Variants in PAK3 observed in about 807,000 individuals in gnomAD.
The protein encoded by PAK3 is serine/threonine-protein kinase PAK 3.
In PAK3, 4 loss-of-function variants were observed where a neutral mutation model predicts 41.0. The ratio of observed to expected loss-of-function variants is 0.10; its 90% CI spans 0.05 to 0.22. PAK3 has a LOEUF of 0.22. PAK3 is among the 10% of genes least tolerant of loss of function. PAK3 has a pLI of 1.00. For missense variants in PAK3, 205 were observed against 409.9 expected (o/e 0.50, Z 4.32); for synonymous variants, 146 against 139.6 (o/e 1.05, Z -0.32).
chrX:111,002,813 C>G (rs1347457523), intron 1 of PAK3, among the ~76,000 whole-genome samples: 1 of 111,007 alleles, frequency 9.0e-6, no homozygotes, highest in Non-Finnish European at 1.9e-5. Flanking sequence ...TCCAACCCCA[C>G]CCCCATTAGC....
intron 1 of PAK3, among the ~76,000 whole-genome samples, chrX:111,065,041 C>G (rs1488578780): frequency 2.7e-5 from 3 of 111,916 alleles, no homozygotes; most frequent in African/African-American, 9.7e-5. Context: ...ATTTGGATGC[C>G]TTTTATTTCT....
At chrX:111,149,389 C>G (rs935769157) in intron 7 of PAK3, among the ~76,000 whole-genome samples, 1 of 112,123 alleles carries the variant, frequency 8.9e-6, no homozygotes, top group Non-Finnish European at 1.9e-5. Flanking sequence ...CTCCACTAGG[C>G]AGTGCCCTAG....
rs1367372645 is a variant in PAK3, at chrX:111,160,775, G to A, written c.469-2140G>A. ...AATGATGGTTTCCAGCTTCATCCAC[G>A]TCCCTACAAAGGACATGAACTCATC... On this transcript the variant is annotated intron_variant, in intron 8 of 17. Transcript: ENST00000372007. 1.0e-3 allele frequency among the ~76,000 whole-genome samples: 113 copies of A among 111,248 alleles called. 2 individuals carry two copies. The highest frequency in any genetic ancestry group is 4.0e-4 in the Non-Finnish European group (21 of 53,069).
intron 15 of PAK3, 41 bp from the exon 16 acceptor site, chrX:111,196,403 A>G (rs2094613430): frequency 9.3e-7 from 1 of 1,076,144 alleles, no homozygotes; most frequent in Non-Finnish European, 1.3e-6. Flanking sequence ...GTAAAAGGAA[A>G]ATAATTTGGG....
At chrX:111,014,738 G>C (rs1272586149) in intron 1 of PAK3, among the ~76,000 whole-genome samples, 1 of 111,789 alleles carries the variant, frequency 8.9e-6, no homozygotes, top group Non-Finnish European at 1.9e-5. Context: ...CTTGGTTCCT[G>C]TCTGACTTGC....
At chrX:110,967,796 A>G (rs926986604) in intron 1 of PAK3, among the ~76,000 whole-genome samples, 3 of 111,885 alleles carry the variant, frequency 2.7e-5, no homozygotes, top group Non-Finnish European at 3.8e-5. Flanking sequence ...AGTTTTCCCA[A>G]TGGTTACATC....
At chrX:111,215,586 A>C (rs964487783) in intron 16 of PAK3, among the ~76,000 whole-genome samples, 2 of 111,997 alleles carry the variant, frequency 1.8e-5, no homozygotes, top group African/African-American at 6.5e-5. Context: ...AATTAATCGT[A>C]GTCCTGAGTT....
intron 1 of PAK3, among the ~76,000 whole-genome samples, chrX:111,027,109 T>C (rs1014279289): frequency 4.5e-5 from 5 of 111,410 alleles, no homozygotes; most frequent in African/African-American, 1.6e-4. Flanking sequence ...GCAAGCCACA[T>C]GTAGAAGAAT....
At chrX:111,195,319 C>G (rs1472735260) in intron 14 of PAK3, among the ~76,000 whole-genome samples, 1 of 111,817 alleles carries the variant, frequency 8.9e-6, no homozygotes, top group African/African-American at 3.3e-5. Context: ...CTGTGGTTTC[C>G]TTCTTCCAGC....
At chrX:111,061,602 C>T (rs1379258846) in intron 1 of PAK3, among the ~76,000 whole-genome samples, 1 of 111,739 alleles carries the variant, frequency 8.9e-6, no homozygotes, top group Non-Finnish European at 1.9e-5. Flanking sequence ...AATGAGTCTT[C>T]CATCCATAAA....
Position 111,226,019 on chromosome X carries a change from A to C in PAK3, c.*5572A>C, listed in dbSNP as rs1449941237. ...TAGAGAAACCCCATCTCTACTAAAA[A>C]TACAAAATTAGCCGGGTGTGGTGGC... On this transcript the variant is annotated 3_prime_UTR_variant, in exon 18 of 18. Coordinates refer to ENST00000372007, the MANE Select transcript of PAK3 (RefSeq NM_002578.5). 9.0e-6 allele frequency: 1 copy of C among 110,535 alleles called. No homozygotes were observed. Among genetic ancestry groups the C allele is most frequent in the Non-Finnish European group, 1.9e-5 (1 of 52,877 alleles). 9.1% of individuals were successfully genotyped at this position (110,535 alleles called of 1,213,427 possible). A position where few individuals can be genotyped will look rare whatever the true frequency, so the allele number is the denominator to read the frequency against.
chrX:110,956,579 G>A (rs903999989), intron 1 of PAK3, among the ~76,000 whole-genome samples: 1 of 111,957 alleles, frequency 8.9e-6, no homozygotes, highest in Non-Finnish European at 1.9e-5. Context: ...CACAAGGGCT[G>A]CTTGTGGAGA....
At chrX:110,986,257 T>G (rs2091541487) in intron 1 of PAK3, among the ~76,000 whole-genome samples, 1 of 111,815 alleles carries the variant, frequency 8.9e-6, no homozygotes. Context: ...GAGGTGAGAA[T>G]GGCATTAGCT....
intron 5 of PAK3, among the ~76,000 whole-genome samples, chrX:111,136,484 G>A (rs1339662411): frequency 2.7e-5 from 3 of 111,697 alleles, no homozygotes; most frequent in Non-Finnish European, 5.6e-5. Context: ...CATGCTGGAC[G>A]ATAGAGTCTC....
At chrX:111,181,505 G>T (rs1603358875) in intron 11 of PAK3, among the ~76,000 whole-genome samples, 1 of 111,215 alleles carries the variant, frequency 9.0e-6, no homozygotes, top group South Asian at 3.8e-4. Context: ...ATTAGTTTTA[G>T]TTTTAAGACT....
intron 14 of PAK3, among the ~76,000 whole-genome samples, chrX:111,195,459 T>C (rs2149328957): frequency 8.9e-6 from 1 of 112,223 alleles, no homozygotes; most frequent in South Asian, 3.7e-4. Context: ...CTGGGTTTCA[T>C]GCCAGAACTT....
chrX:110,958,183 T>A (rs189342116), intron 1 of PAK3, among the ~76,000 whole-genome samples: 64 of 111,811 alleles, frequency 5.7e-4, no homozygotes, highest in Non-Finnish European at 1.9e-4. Flanking sequence ...TTCAAGTGAC[T>A]AAAAGAGACA....
chrX:110,953,488 T>C (rs1455093242), intron 1 of PAK3, among the ~76,000 whole-genome samples: 1 of 112,419 alleles, frequency 8.9e-6, no homozygotes, highest in African/African-American at 3.2e-5. Context: ...AAATATATTT[T>C]GAAGGCCCCA....
At chrX:111,062,694 A>G (rs1283974604) in intron 1 of PAK3, among the ~76,000 whole-genome samples, 1 of 111,626 alleles carries the variant, frequency 9.0e-6, no homozygotes, top group Non-Finnish European at 1.9e-5. Context: ...TCATATTCCT[A>G]CTACAGACTG....
Sources: allele counts gnomAD v4.1 joint callset (sites outside exome capture counted in the v4.1 genomes callset), GRCh38; gene constraint gnomAD v4.1.1; transcripts MANE v1.5; gene names NCBI Gene and HGNC (gene_info 2026-07-23, HGNC 2026-07-21).